INPP4B: variants seen among roughly 807,000 people sequenced by gnomAD.
The protein encoded by INPP4B is inositol polyphosphate 4-phosphatase type II.
Under a neutral mutation model 122.5 loss-of-function variants are expected in INPP4B, and 55 were observed. The observed-to-expected ratio is 0.45, with a 90% CI of 0.36 to 0.56. INPP4B has a LOEUF of 0.56. Among genes scored for constraint, INPP4B ranks in the 20% least tolerant of loss-of-function variants. The pLI, the probability that INPP4B is intolerant of heterozygous loss-of-function variation, is 0.00. For synonymous variants in INPP4B, 403 were observed against 388.7 expected, an observed-to-expected ratio of 1.04 and a Z score of -0.43; for missense variants, 1,000 against 1,097.7, an observed-to-expected ratio of 0.91 and a Z score of 1.26.
intron 2 of INPP4B, among the ~76,000 whole-genome samples, chr4:142,587,258 A>G (rs1187929981): frequency 6.6e-6 from 1 of 151,842 alleles, no homozygotes; most frequent in Admixed American, 6.6e-5. Flanking sequence ...TTAAGAGGTC[A>G]TTTTTTTTAT....
At chr4:142,581,735 C>T (rs903629244) in intron 2 of INPP4B, among the ~76,000 whole-genome samples, 1 of 151,802 alleles carries the variant, frequency 6.6e-6, no homozygotes, top group African/African-American at 2.4e-5. Context: ...AAACAGAGCA[C>T]CACAACTATT....
intron 18 of INPP4B, among the ~76,000 whole-genome samples, chr4:142,144,136 T>A (rs1388750513): frequency 6.6e-6 from 1 of 151,750 alleles, no homozygotes; most frequent in Non-Finnish European, 1.5e-5. Flanking sequence ...ATTCATCTAA[T>A]CTTACGGCTG....
chr4:142,577,209 T>C (rs910504210), intron 2 of INPP4B, among the ~76,000 whole-genome samples: 1 of 151,986 alleles, frequency 6.6e-6, no homozygotes, highest in Non-Finnish European at 1.5e-5. Flanking sequence ...TTGTTCACCA[T>C]TTTCTTAAAC....
chr4:142,061,020 A>G (rs1400967985), intron 25 of INPP4B, among the ~76,000 whole-genome samples: 1 of 152,220 alleles, frequency 6.6e-6, no homozygotes, highest in Non-Finnish European at 1.5e-5. Flanking sequence ...CGACTTTCAC[A>G]TCTTAAAGGG....
At chr4:142,192,358 G>A (rs1836339529) in intron 15 of INPP4B, among the ~76,000 whole-genome samples, 2 of 17,602 alleles carry the variant, frequency 1.1e-4, no homozygotes, top group African/African-American at 1.9e-4. Flanking sequence ...AAAAAAATGG[G>A]ATTCTTAAGA....
intron 24 of INPP4B, among the ~76,000 whole-genome samples, chr4:142,082,554 C>T (rs1468572696): frequency 6.6e-6 from 1 of 152,148 alleles, no homozygotes; most frequent in Non-Finnish European, 1.5e-5. Context: ...GAGGAAAAAA[C>T]AAACAAACAA....
At chr4:142,605,694 T>C (rs1741089643) in intron 2 of INPP4B, among the ~76,000 whole-genome samples, 1 of 151,968 alleles carries the variant, frequency 6.6e-6, no homozygotes, top group African/African-American at 2.4e-5. Flanking sequence ...TCAACATCAT[T>C]AATCATATGG....
chr4:142,720,777 C>CATATATATATAA (rs1764487714), intron 2 of INPP4B, among the ~76,000 whole-genome samples: 19 of 31,858 alleles, frequency 6.0e-4, no homozygotes, highest in African/African-American at 1.5e-3. Context: ...CTCTCTCTCT[C>CATATATATATAA]TCTCTCTCTC....
chr4:142,162,332 GA>G (rs1820542032), intron 16 of INPP4B, among the ~76,000 whole-genome samples: 1 of 151,350 alleles, frequency 6.6e-6, no homozygotes, highest in African/African-American at 2.4e-5. Flanking sequence ...AAAACTGATG[GA>G]AAAATTGGCT....
intron 7 of INPP4B, among the ~76,000 whole-genome samples, chr4:142,360,787 T>C (rs543794454): frequency 7.2e-5 from 11 of 151,920 alleles, no homozygotes; most frequent in Non-Finnish European, 1.5e-4. Flanking sequence ...AAAATAGTGA[T>C]TATCATTTAT....
chr4:142,340,771 A>C (rs1042820772), intron 7 of INPP4B, among the ~76,000 whole-genome samples: 1 of 152,042 alleles, frequency 6.6e-6, no homozygotes, highest in African/African-American at 2.4e-5. Flanking sequence ...CTTCCCCTCT[A>C]TGGGTAATCA....
chr4:142,066,399 T>A (rs1475780288), intron 25 of INPP4B, among the ~76,000 whole-genome samples: 1 of 152,170 alleles, frequency 6.6e-6, no homozygotes, highest in Non-Finnish European at 1.5e-5. Context: ...GTTATCAAAC[T>A]TAAGTGCACA....
chr4:142,124,595 C>T lies in INPP4B; in HGVS notation c.1886G>A (p.Ser629Asn). 1 of 1,613,288 alleles carries T rather than the reference C, an allele frequency of 6.2e-7. No individual in the cohort carries two copies. The highest frequency in any genetic ancestry group is 8.5e-7 in the Non-Finnish European group (1 of 1,179,462). ...ATAACAACAGGCACCTACTGCTTGG[C>T]TGAAGACGATGTCTCTTCTTAGCGT... is the stretch of plus-strand genomic sequence containing the variant. ...MLTLRRDIVF[S>N]QALAGLVCGF... is the part of the protein sequence containing the mutation. The change falls in exon 19 of 26, where the codon AGC (serine) becomes AAC (asparagine). Residue 629 changes from serine (S) to asparagine (N), a missense_variant. Transcript: ENST00000262992.
At chr4:142,225,169 G>A (rs749025497) in intron 12 of INPP4B, among the ~76,000 whole-genome samples, 2 of 152,096 alleles carry the variant, frequency 1.3e-5, no homozygotes, top group African/African-American at 2.4e-5. Context: ...AAGCTACTGG[G>A]TTTCTGAGTC....
At chr4:142,146,276 G>A (rs336398) in intron 17 of INPP4B, among the ~76,000 whole-genome samples, 82,188 of 151,914 alleles carry the variant, frequency 0.54, 26,352 homozygotes, top group East Asian at 0.72. Flanking sequence ...CCATAATTGA[G>A]CACAAATTAT....
chr4:142,480,698 T>C (rs151326240), intron 2 of INPP4B, among the ~76,000 whole-genome samples: 222 of 152,094 alleles, frequency 1.5e-3, no homozygotes, highest in African/African-American at 5.1e-3. Context: ...AGCGAATGAG[T>C]TGATGATAAA....
chr4:142,384,830 C>T (rs1050995659), intron 7 of INPP4B, among the ~76,000 whole-genome samples: 1 of 152,126 alleles, frequency 6.6e-6, no homozygotes, highest in African/African-American at 2.4e-5. Context: ...CCTCTCCCTC[C>T]TCCCACCCTC....
chr4:142,587,579 T>C (rs755071856), intron 2 of INPP4B, among the ~76,000 whole-genome samples: 5 of 152,158 alleles, frequency 3.3e-5, no homozygotes, highest in African/African-American at 1.2e-4. Context: ...TATATACTTA[T>C]GGGTTACATG....
At chr4:142,055,526 ATT>A (rs1418432162) in intron 25 of INPP4B, among the ~76,000 whole-genome samples, 5 of 152,120 alleles carry the variant, frequency 3.3e-5, no homozygotes, top group African/African-American at 9.7e-5. Flanking sequence ...CATTCTTAAA[ATT>A]ACTACAAAAG....
Sources: allele counts gnomAD v4.1 joint callset (sites outside exome capture counted in the v4.1 genomes callset), GRCh38; gene constraint gnomAD v4.1.1; transcripts MANE v1.5; gene names NCBI Gene and HGNC (gene_info 2026-07-23, HGNC 2026-07-21).